Variants in PAPPA2 observed in about 807,000 individuals in gnomAD.
PAPPA2 encodes the protein pappalysin-2.
PAPPA2 carries 86 observed loss-of-function variants against 176.4 expected under a neutral mutation model. The observed-to-expected ratio is 0.49, with a 90% CI of 0.41 to 0.58. PAPPA2 has a LOEUF of 0.58. Ranked by LOEUF, PAPPA2 falls within the 20% of genes least tolerant of loss-of-function variation. The pLI, the probability that PAPPA2 is intolerant of heterozygous loss-of-function variation, is 0.00. For synonymous variants in PAPPA2, 809 were observed against 852.2 expected, an observed-to-expected ratio of 0.95 and a Z score of 0.88; for missense variants, 2,073 against 2,256.9, an observed-to-expected ratio of 0.92 and a Z score of 1.65.
At chr1:176,526,779 A>G (rs1201034367) in intron 1 of PAPPA2, among the ~76,000 whole-genome samples, 1 of 152,202 alleles carries the variant, frequency 6.6e-6, no homozygotes, top group Non-Finnish European at 1.5e-5. Flanking sequence ...GGAGAGTGAC[A>G]TGGCACAGGG....
intron 3 of PAPPA2, among the ~76,000 whole-genome samples, chr1:176,611,064 C>A (rs997812668): frequency 2.6e-5 from 4 of 152,152 alleles, no homozygotes; most frequent in Non-Finnish European, 4.4e-5. Context: ...TACTTCTGGG[C>A]TCCCTCCATG....
At chr1:176,732,891 C>A (rs1481394487) in intron 12 of PAPPA2, among the ~76,000 whole-genome samples, 1 of 152,144 alleles carries the variant, frequency 6.6e-6, no homozygotes, top group African/African-American at 2.4e-5. Flanking sequence ...TGGTCCGTAG[C>A]CTGTTAGGAA....
At chr1:176,794,520 G>A (rs1665337648) in intron 20 of PAPPA2, among the ~76,000 whole-genome samples, 1 of 152,016 alleles carries the variant, frequency 6.6e-6, no homozygotes, top group Admixed American at 6.5e-5. Context: ...AGAAAAATGG[G>A]GTTCTATAGT....
intron 5 of PAPPA2, among the ~76,000 whole-genome samples, chr1:176,691,565 T>C (rs1660123941): frequency 6.6e-6 from 1 of 152,192 alleles, no homozygotes; most frequent in Non-Finnish European, 1.5e-5. Context: ...GTGCTTTCAC[T>C]AGAAAAGTTC....
At chr1:176,777,980 T>C (rs1300252708) in intron 17 of PAPPA2, among the ~76,000 whole-genome samples, 5 of 151,908 alleles carry the variant, frequency 3.3e-5, no homozygotes, top group African/African-American at 1.2e-4. Flanking sequence ...GCTACATTTT[T>C]GTCACTGGCC....
intron 20 of PAPPA2, 44 bp from the exon 21 acceptor site, chr1:176,800,017 A>G: frequency 6.2e-7 from 1 of 1,606,574 alleles, no homozygotes; most frequent in Non-Finnish European, 8.5e-7. Context: ...CACACAACAA[A>G]TGTCTTTAAT....
At chr1:176,799,805 C>T (rs923917888) in intron 20 of PAPPA2, among the ~76,000 whole-genome samples, 8 of 152,098 alleles carry the variant, frequency 5.3e-5, no homozygotes, top group African/African-American at 7.2e-5. Flanking sequence ...CTGAAAATTT[C>T]GGTATCTTGG....
At chr1:176,732,985 G>A (rs920521959) in intron 12 of PAPPA2, among the ~76,000 whole-genome samples, 3 of 152,122 alleles carry the variant, frequency 2.0e-5, no homozygotes, top group African/African-American at 7.2e-5. Flanking sequence ...GGTGGCATTA[G>A]GTGCTCATAG....
intron 14 of PAPPA2, among the ~76,000 whole-genome samples, chr1:176,764,691 G>A (rs1202695662): frequency 1.3e-5 from 2 of 151,792 alleles, no homozygotes; most frequent in African/African-American, 4.8e-5. Flanking sequence ...CCGCCTCCCG[G>A]GTTCACGCCA....
intron 2 of PAPPA2, among the ~76,000 whole-genome samples, chr1:176,572,438 T>A (rs1364864226): frequency 6.6e-6 from 1 of 152,132 alleles, no homozygotes; most frequent in Non-Finnish European, 1.5e-5. Flanking sequence ...ACACACAGAC[T>A]GTTTCCTCTA....
At position 176,690,439 on chromosome 1, in the gene PAPPA2, A is replaced by G; in HGVS notation, c.2431+9A>G. On this transcript the variant is annotated intron_variant, in intron 5 of 22. Coordinates refer to ENST00000367662, the MANE Select transcript of PAPPA2 (RefSeq NM_020318.3). ...CTACATGAGCTACACGGGTATCACC[A>G]CTGTCTTGTTTTGTTTTCTGTTAAG... 1 of 1,611,030 alleles carries G rather than the reference A, an allele frequency of 6.2e-7. No individual in the cohort carries two copies. The highest frequency in any genetic ancestry group is 1.7e-5 in the Admixed American group (1 of 59,962).
chr1:176,474,345 A>C (rs1652018147), intron 1 of PAPPA2, among the ~76,000 whole-genome samples: 1 of 152,208 alleles, frequency 6.6e-6, no homozygotes, highest in African/African-American at 2.4e-5. Flanking sequence ...ACACCTCAAG[A>C]GTTCCACATT....
At chr1:176,645,385 A>T (rs1388493031) in intron 3 of PAPPA2, among the ~76,000 whole-genome samples, 1 of 151,556 alleles carries the variant, frequency 6.6e-6, no homozygotes, top group Admixed American at 6.6e-5. Context: ...TAACATAATG[A>T]CCTCCAATTC....
chr1:176,602,831 G>A (rs760307162), intron 3 of PAPPA2, among the ~76,000 whole-genome samples: 12 of 152,192 alleles, frequency 7.9e-5, no homozygotes, highest in Non-Finnish European at 1.5e-4. Flanking sequence ...AAAGAAATAA[G>A]AGGAGGTTCC....
At chr1:176,543,202 G>T (rs1650453582) in intron 1 of PAPPA2, among the ~76,000 whole-genome samples, 1 of 152,178 alleles carries the variant, frequency 6.6e-6, no homozygotes, top group African/African-American at 2.4e-5. Flanking sequence ...TGATGAAGAG[G>T]CAGCTAGGCT....
chr1:176,840,349 T>C (rs1306639857), intron 22 of PAPPA2, 78 bp downstream of exon 22: 2 of 1,137,308 alleles, frequency 1.8e-6, no homozygotes, highest in Admixed American at 3.5e-5. Flanking sequence ...CTCTCATTCA[T>C]GGTGTGTAAT....
At chr1:176,721,794 G>C (rs992172067) in intron 12 of PAPPA2, among the ~76,000 whole-genome samples, 9 of 151,818 alleles carry the variant, frequency 5.9e-5, no homozygotes, top group African/African-American at 2.2e-4. Flanking sequence ...CTGTGGCTTA[G>C]TGTCTTAGTT....
intron 3 of PAPPA2, among the ~76,000 whole-genome samples, chr1:176,618,403 C>G (rs1239600712): frequency 1.3e-5 from 2 of 152,138 alleles, no homozygotes; most frequent in African/African-American, 4.8e-5. Context: ...CCAAAATACT[C>G]AGAGAAAAAG....
chr1:176,560,718 A>G (rs75733853), intron 2 of PAPPA2, among the ~76,000 whole-genome samples: 7,815 of 152,266 alleles, frequency 0.051, 299 homozygotes, highest in South Asian at 0.17. Context: ...CCTTGAAACC[A>G]TCCTGTTCCT....
Sources: gnomAD v4.1 joint callset for allele counts (sites outside exome capture counted in the v4.1 genomes callset) on GRCh38, gnomAD v4.1.1 for gene constraint, MANE v1.5 for transcripts, NCBI Gene and HGNC (gene_info 2026-07-23, HGNC 2026-07-21) for gene names.